The following ESRRG variants were observed in gnomAD, a reference collection of about 807,000 sequenced individuals.
ESRRG encodes estrogen-related receptor gamma.
A neutral mutation model predicts 44.0 loss-of-function variants in ESRRG; 13 were observed. That is an observed-to-expected ratio of 0.30 (90% CI 0.19 to 0.47). ESRRG has a LOEUF of 0.47. Ranked by LOEUF, ESRRG falls within the 20% of genes least tolerant of loss-of-function variation. The pLI is 1.00. For missense variants in ESRRG, 395 were observed against 580.6 expected (o/e 0.68, Z 3.29); for synonymous variants, 215 against 214.6 (o/e 1.00, Z -0.02).
At chr1:216,755,761 C>A (rs1218526409) in intron 2 of ESRRG, among the ~76,000 whole-genome samples, 6 of 151,948 alleles carry the variant, frequency 3.9e-5, no homozygotes, top group African/African-American at 1.4e-4. Flanking sequence ...GCAGAAACAA[C>A]AAGAAACAGT....
intron 1 of ESRRG, among the ~76,000 whole-genome samples, chr1:217,065,766 T>C (rs2089540812): frequency 6.6e-6 from 1 of 152,184 alleles, no homozygotes; most frequent in African/African-American, 2.4e-5. Flanking sequence ...ATAGTTTTCT[T>C]TTTCTCCCTC....
intron 3 of ESRRG, among the ~76,000 whole-genome samples, chr1:216,650,132 T>A (rs1414336739): frequency 2.6e-5 from 4 of 152,194 alleles, no homozygotes; most frequent in African/African-American, 9.6e-5. Flanking sequence ...CAAACTCTGG[T>A]GAATTTTCTG....
At chr1:216,565,645 C>A (rs952782226) in intron 4 of ESRRG, among the ~76,000 whole-genome samples, 7 of 151,968 alleles carry the variant, frequency 4.6e-5, no homozygotes, top group African/African-American at 1.7e-4. Flanking sequence ...GAATATGGCT[C>A]CCATATTAAT....
upstream of ESRRG, among the ~76,000 whole-genome samples, chr1:217,093,462 T>G (rs1216124758): frequency 8.3e-6 from 1 of 119,820 alleles, no homozygotes; most frequent in Non-Finnish European, 2.0e-5. Flanking sequence ...TAAAGGCAGC[T>G]CAGGAAAAAA....
intron 4 of ESRRG, among the ~76,000 whole-genome samples, chr1:216,564,809 A>G (rs1159407669): frequency 1.3e-5 from 2 of 152,200 alleles, no homozygotes; most frequent in African/African-American, 4.8e-5. Context: ...CAGGAGGCAA[A>G]GAACTACTAA....
At chr1:216,979,930 C>T (rs566668632) in intron 1 of ESRRG, among the ~76,000 whole-genome samples, 1 of 152,184 alleles carries the variant, frequency 6.6e-6, no homozygotes, top group African/African-American at 2.4e-5. Flanking sequence ...AGCTCCAAAA[C>T]CTCCAGAATC....
At chr1:216,507,553 GAAA>G (rs1207866550) in intron 6 of ESRRG, among the ~76,000 whole-genome samples, 1 of 152,112 alleles carries the variant, frequency 6.6e-6, no homozygotes, top group Non-Finnish European at 1.5e-5. Flanking sequence ...GCCATCTATT[GAAA>G]GTATTATCTT....
chr1:216,780,422 T>C (rs760050139), intron 2 of ESRRG, among the ~76,000 whole-genome samples: 1 of 152,040 alleles, frequency 6.6e-6, no homozygotes, highest in Non-Finnish European at 1.5e-5. Context: ...AGTTGAGTTA[T>C]TGATAGATTG....
chr1:216,739,666 A>G (rs950368821), intron 2 of ESRRG, among the ~76,000 whole-genome samples: 1 of 152,198 alleles, frequency 6.6e-6, no homozygotes, highest in Non-Finnish European at 1.5e-5. Flanking sequence ...ATTCTGATGC[A>G]TGTTCGAGTT....
At chr1:216,668,477 C>T (rs902704082) in intron 2 of ESRRG, among the ~76,000 whole-genome samples, 1 of 152,102 alleles carries the variant, frequency 6.6e-6, no homozygotes, top group African/African-American at 2.4e-5. Flanking sequence ...GTAAATCACA[C>T]CAGAGATTCT....
At chr1:216,519,040 G>T in intron 6 of ESRRG, 112 bp downstream of exon 6, 1 of 851,204 alleles carries the variant, frequency 1.2e-6, no homozygotes, top group Non-Finnish European at 1.9e-6. Context: ...TAATTTTGCT[G>T]ACTCATACAA....
At chr1:217,042,367 G>C (rs1455503960) in intron 1 of ESRRG, among the ~76,000 whole-genome samples, 1 of 151,910 alleles carries the variant, frequency 6.6e-6, no homozygotes, top group Non-Finnish European at 1.5e-5. Flanking sequence ...CCCAAGAATG[G>C]AGAGCACTGC....
chr1:216,639,650 T>C (rs1477120664), intron 3 of ESRRG, among the ~76,000 whole-genome samples: 1 of 152,134 alleles, frequency 6.6e-6, no homozygotes. Context: ...CAAACGCTAG[T>C]AAAATGGTGC....
chr1:216,776,955 G>C (rs540940790), intron 2 of ESRRG, among the ~76,000 whole-genome samples: 1 of 152,074 alleles, frequency 6.6e-6, no homozygotes, highest in Admixed American at 6.6e-5. Context: ...ACAAACGAGG[G>C]CATCTCTAGG....
intron 1 of ESRRG, among the ~76,000 whole-genome samples, chr1:217,124,238 G>A (rs907631225): frequency 4.6e-5 from 7 of 152,178 alleles, no homozygotes; most frequent in African/African-American, 1.7e-4. Flanking sequence ...AGAGATTTGA[G>A]GTCTCCTAGC....
intron 2 of ESRRG, among the ~76,000 whole-genome samples, chr1:216,674,352 T>C (rs2075718936): frequency 6.6e-6 from 1 of 152,194 alleles, no homozygotes; most frequent in Non-Finnish European, 1.5e-5. Context: ...GTTAATGCCT[T>C]CAATTTATAG....
chr1:216,591,206 G>T (rs866830903), intron 3 of ESRRG, among the ~76,000 whole-genome samples: 15 of 152,180 alleles, frequency 9.9e-5, no homozygotes, highest in African/African-American at 3.4e-4. Flanking sequence ...GAGAAGAGAA[G>T]GACTGAAGAC....
chr1:216,861,407 G>A (rs1253410658), intron 2 of ESRRG, among the ~76,000 whole-genome samples: 1 of 151,986 alleles, frequency 6.6e-6, no homozygotes, highest in Admixed American at 6.6e-5. Context: ...AATGTTTGAA[G>A]TGGTGAATAT....
At position 217,123,151 on chromosome 1, in the gene ESRRG, T is replaced by G. The variant is rs139969260; in HGVS notation, c.-230+14516A>C. 4.6e-5 allele frequency among the ~76,000 whole-genome samples: 7 copies of G among 152,270 alleles called. No homozygotes were observed. In the East Asian group the frequency reaches 1.4e-3, roughly 29 times the overall value. On this transcript the variant is annotated intron_variant, in intron 1 of 8. Transcript: ENST00000366940. ...AATGCTAACCAATGGAAATGGTGCA[T>G]GAATCTTTAGTGAAGCAGTGGCTTC...
Sources: allele counts gnomAD v4.1 joint callset (sites outside exome capture counted in the v4.1 genomes callset), GRCh38; gene constraint gnomAD v4.1.1; transcripts MANE v1.5; gene names NCBI Gene and HGNC (gene_info 2026-07-23, HGNC 2026-07-21).